Variants in LRP1B observed in about 807,000 individuals in gnomAD.
LRP1B encodes LDL receptor related protein 1B.
In LRP1B, 217 loss-of-function variants were observed where a neutral mutation model predicts 556.6. That is an observed-to-expected ratio of 0.39 (90% CI 0.35 to 0.44). The LOEUF is 0.44. Ranked by LOEUF, LRP1B falls within the 20% of genes least tolerant of loss-of-function variation. The pLI, the probability that LRP1B is intolerant of heterozygous loss-of-function variation, is 1.00. For missense variants in LRP1B, 5,053 were observed against 5,620.8 expected (o/e 0.90, Z 3.23); for synonymous variants, 2,047 against 1,865.8 (o/e 1.10, Z -2.50).
chr2:141,023,843 T>G (rs2105402923), intron 11 of LRP1B, among the ~76,000 whole-genome samples: 1 of 152,174 alleles, frequency 6.6e-6, no homozygotes, highest in Non-Finnish European at 1.5e-5. Flanking sequence ...TACATTTTTC[T>G]ACCTTATACA....
At chr2:141,087,024 C>A (rs187071985) in intron 7 of LRP1B, among the ~76,000 whole-genome samples, 1 of 152,158 alleles carries the variant, frequency 6.6e-6, no homozygotes, top group African/African-American at 2.4e-5. Flanking sequence ...TTACATAGCA[C>A]TGATGGTAAA....
chr2:141,963,848 T>C (rs1332372853), intron 1 of LRP1B, among the ~76,000 whole-genome samples: 6 of 144,516 alleles, frequency 4.2e-5, no homozygotes, highest in Non-Finnish European at 7.5e-5. Flanking sequence ...GAAAACCCCA[T>C]TGTCTCAGCC....
intron 52 of LRP1B, among the ~76,000 whole-genome samples, chr2:140,507,531 C>A (rs977114639): frequency 6.6e-6 from 1 of 152,062 alleles, no homozygotes; most frequent in African/African-American, 2.4e-5. Flanking sequence ...GGAATATTGA[C>A]CCTTTAGGAA....
chr2:141,201,593 T>A (rs998024747), intron 6 of LRP1B, among the ~76,000 whole-genome samples: 1 of 152,112 alleles, frequency 6.6e-6, no homozygotes, highest in Non-Finnish European at 1.5e-5. Flanking sequence ...AAGTTATTAT[T>A]ATATTCATAT....
chr2:141,768,366 T>C (rs1280452575), intron 2 of LRP1B, among the ~76,000 whole-genome samples: 1 of 152,160 alleles, frequency 6.6e-6, no homozygotes. Context: ...TCTCATTATC[T>C]CTTATTAATT....
chr2:141,308,222 T>A (rs1263832680), intron 3 of LRP1B, among the ~76,000 whole-genome samples: 2 of 152,176 alleles, frequency 1.3e-5, no homozygotes, highest in Admixed American at 1.3e-4. Flanking sequence ...ACTTGAAATT[T>A]GGGCTACTGG....
At chr2:140,991,231 A>T (rs1315037277) in intron 16 of LRP1B, among the ~76,000 whole-genome samples, 1 of 152,174 alleles carries the variant, frequency 6.6e-6, no homozygotes, top group Non-Finnish European at 1.5e-5. Context: ...AGTGAGGCTT[A>T]ATCAAGGACT....
intron 3 of LRP1B, among the ~76,000 whole-genome samples, chr2:141,474,028 C>CTTCG (rs1682595564): frequency 1.6e-5 from 2 of 122,570 alleles, no homozygotes; most frequent in Admixed American, 1.6e-4. Context: ...TCCTTCCTTC[C>CTTCG]TTCCTTCCTT....
chr2:141,047,317 T>C (rs999835434), intron 11 of LRP1B, among the ~76,000 whole-genome samples: 9 of 152,070 alleles, frequency 5.9e-5, no homozygotes, highest in African/African-American at 2.2e-4. Context: ...ATCCGTAAAT[T>C]ATATTAAAGA....
intron 79 of LRP1B, 43 bp from the exon 80 acceptor site, chr2:140,325,921 T>C: frequency 8.3e-7 from 1 of 1,203,442 alleles, no homozygotes; most frequent in Non-Finnish European, 1.2e-6. Context: ...CAAGTAAATT[T>C]GAAATCATTC....
chr2:140,697,607 A>T (rs1686477836), intron 41 of LRP1B, among the ~76,000 whole-genome samples: 1 of 152,252 alleles, frequency 6.6e-6, no homozygotes, highest in South Asian at 2.1e-4. Flanking sequence ...ATTCAGCCAT[A>T]AAAAGAATGA....
chr2:140,243,584 TTTCTC>T (rs1441718738), intron 87 of LRP1B, among the ~76,000 whole-genome samples: 1 of 151,234 alleles, frequency 6.6e-6, no homozygotes, highest in Non-Finnish European at 1.5e-5. Context: ...ATTAGCATCC[TTTCTC>T]TTAAGCATTT....
intron 31 of LRP1B, among the ~76,000 whole-genome samples, chr2:140,836,489 T>C (rs1400015594): frequency 6.6e-6 from 1 of 152,214 alleles, no homozygotes; most frequent in African/African-American, 2.4e-5. Context: ...TGAATTTTCT[T>C]TTTCTTCTTG....
At chr2:142,128,790 T>A (rs780477100) in intron 1 of LRP1B, among the ~76,000 whole-genome samples, 1 of 152,208 alleles carries the variant, frequency 6.6e-6, no homozygotes. Flanking sequence ...TCTGCTTCTA[T>A]CTTAGATGTT....
chr2:142,129,576 TTCTCTCTTTCTCTCTC>T lies in LRP1B; in HGVS notation c.82+1056_82+1071del, dbSNP rs1288981037. Among the ~76,000 whole-genome samples the T allele has an allele frequency of 2.2e-4, 25 of 111,158 alleles. 1 individual carries two copies. The South Asian group carries it at 7.2e-3, about 32-fold the overall frequency. 72.9% of individuals were successfully genotyped at this position (111,158 alleles called of 152,430 possible). A position where few individuals can be genotyped will look rare whatever the true frequency, so the allele number is the denominator to read the frequency against. Reference sequence around the variant, plus strand: ...GCTTGGCATTGGGATCTGGGTTTCTTTCTCTCTTTCTCTCTCTCTCTCTCTCTCTCTCTCTCTCTCT... The same window carrying T: ...GCTTGGCATTGGGATCTGGGTTTCTTTCTCTCTCTCTCTCTCTCTCTCTCT... On this transcript the variant is annotated intron_variant, in intron 1 of 90. Transcript: ENST00000389484.
intron 71 of LRP1B, among the ~76,000 whole-genome samples, chr2:140,366,838 C>T (rs1156728151): frequency 4.6e-5 from 7 of 151,658 alleles, no homozygotes; most frequent in African/African-American, 1.7e-4. Context: ...GAAAGTGAGC[C>T]TTGTTGCTTG....
intron 41 of LRP1B, among the ~76,000 whole-genome samples, chr2:140,657,028 T>A (rs1684903091): frequency 1.3e-5 from 2 of 152,094 alleles, no homozygotes; most frequent in Non-Finnish European, 2.9e-5. Flanking sequence ...TATTTTAAGT[T>A]CCCAATATTT....
At chr2:140,699,535 C>T (rs2105417446) in intron 41 of LRP1B, among the ~76,000 whole-genome samples, 1 of 151,648 alleles carries the variant, frequency 6.6e-6, no homozygotes. Flanking sequence ...AAATTGATTT[C>T]CACATAGTGA....
chr2:142,112,632 T>C (rs545916866), intron 1 of LRP1B, among the ~76,000 whole-genome samples: 1 of 152,242 alleles, frequency 6.6e-6, no homozygotes, highest in Admixed American at 6.6e-5. Context: ...TTGTCTAAAC[T>C]AGAATCTTGA....
Sources: gnomAD v4.1 joint callset for allele counts (sites outside exome capture counted in the v4.1 genomes callset) on GRCh38, gnomAD v4.1.1 for gene constraint, MANE v1.5 for transcripts, NCBI Gene and HGNC (gene_info 2026-07-23, HGNC 2026-07-21) for gene names.